Variants in SPATS2L observed in about 807,000 individuals in gnomAD.
The protein encoded by SPATS2L is spermatogenesis associated serine rich 2 like, also known as SPATS2-like protein.
A neutral mutation model predicts 59.6 loss-of-function variants in SPATS2L; 30 were observed. The ratio of observed to expected loss-of-function variants is 0.50; its 90% confidence interval spans 0.38 to 0.68. The LOEUF is 0.68. Ranked by LOEUF, SPATS2L falls within the 30% of genes least tolerant of loss-of-function variation. The pLI is 0.00. For missense variants in SPATS2L, 615 were observed against 700.0 expected (o/e 0.88, Z 1.37); for synonymous variants, 252 against 263.5 (o/e 0.96, Z 0.42).
At chr2:200,413,075 G>A (rs2082939065) in intron 4 of SPATS2L, among the ~76,000 whole-genome samples, 1 of 152,026 alleles carries the variant, frequency 6.6e-6, no homozygotes, top group Non-Finnish European at 1.5e-5. Flanking sequence ...ATAAATAAAT[G>A]TGTCCTTTAT....
intron 6 of SPATS2L, among the ~76,000 whole-genome samples, chr2:200,422,886 T>C (rs907746069): frequency 6.6e-6 from 1 of 151,712 alleles, no homozygotes; most frequent in Non-Finnish European, 1.5e-5. Context: ...TTTCTTGCTC[T>C]CTCTCTCTCA....
At chr2:200,476,984 C>T (rs190677293) in intron 12 of SPATS2L, among the ~76,000 whole-genome samples, 20 of 152,304 alleles carry the variant, frequency 1.3e-4, no homozygotes, top group African/African-American at 4.3e-4. Flanking sequence ...CAAGCAGTCC[C>T]GCTAAAGTCA....
intron 2 of SPATS2L, among the ~76,000 whole-genome samples, chr2:200,347,890 A>G (rs1025744093): frequency 2.6e-5 from 4 of 152,234 alleles, no homozygotes; most frequent in African/African-American, 9.6e-5. Flanking sequence ...ATTAGCTATC[A>G]AAATATATAT....
intron 9 of SPATS2L, among the ~76,000 whole-genome samples, chr2:200,460,203 T>G (rs1437121972): frequency 6.6e-6 from 1 of 152,216 alleles, no homozygotes; most frequent in Non-Finnish European, 1.5e-5. Context: ...TTTAACTCTT[T>G]AAAACTTACA....
At chr2:200,384,102 C>T (rs968599125) in intron 2 of SPATS2L, 10 of 621,690 alleles carry the variant, frequency 1.6e-5, no homozygotes, top group Non-Finnish European at 1.9e-5. Context: ...ACAGATAACT[C>T]ATACATATTA....
chr2:200,450,769 T>A (rs558455135), intron 8 of SPATS2L, among the ~76,000 whole-genome samples: 1 of 152,116 alleles, frequency 6.6e-6, no homozygotes, highest in African/African-American at 2.4e-5. Flanking sequence ...ATAAAGACAG[T>A]CTTCCTCCTA....
chr2:200,306,622 G>A (rs2079019363), upstream of SPATS2L: 10 of 993,998 alleles, frequency 1.0e-5, no homozygotes, highest in Non-Finnish European at 1.1e-5. Flanking sequence ...CCGAGGGGAA[G>A]GCGGGCGGGT....
At chr2:200,449,499 G>A (rs2085296819) in intron 8 of SPATS2L, among the ~76,000 whole-genome samples, 1 of 152,198 alleles carries the variant, frequency 6.6e-6, no homozygotes, top group South Asian at 2.1e-4. Context: ...TCTAATTTCA[G>A]CCTGAAATCG....
chr2:200,360,729 G>A (rs763617402), intron 2 of SPATS2L, among the ~76,000 whole-genome samples: 10 of 152,100 alleles, frequency 6.6e-5, no homozygotes, highest in African/African-American at 1.2e-4. Flanking sequence ...TCATCACCTC[G>A]TAATAAGCTC....
At chr2:200,402,714 A>G (rs1284109645) in intron 3 of SPATS2L, among the ~76,000 whole-genome samples, 1 of 152,260 alleles carries the variant, frequency 6.6e-6, no homozygotes, top group Non-Finnish European at 1.5e-5. Flanking sequence ...GAGTCTGTGC[A>G]TTGTGACTGA....
intron 2 of SPATS2L, among the ~76,000 whole-genome samples, chr2:200,352,525 T>C (rs550928817): frequency 2.6e-5 from 4 of 152,032 alleles, no homozygotes; most frequent in East Asian, 3.9e-4. Flanking sequence ...GCTTTTTTTT[T>C]CCTTTTTTAA....
intron 3 of SPATS2L, chr2:200,390,566 A>ACAGAGAGAAAAGCAAAG (rs2082139656): frequency 6.6e-6 from 1 of 152,536 alleles, no homozygotes. Flanking sequence ...AGAATTCCAG[A>ACAGAGAGAAAAGCAAAG]CAGAGAGAAA....
At chr2:200,435,303 G>A (rs985000301) in intron 6 of SPATS2L, among the ~76,000 whole-genome samples, 12 of 152,110 alleles carry the variant, frequency 7.9e-5, no homozygotes, top group African/African-American at 2.9e-4. Flanking sequence ...GAATGCTCAC[G>A]TAATAGTTAA....
chr2:200,335,678 A>G (rs1336423314), intron 2 of SPATS2L, among the ~76,000 whole-genome samples: 1 of 152,236 alleles, frequency 6.6e-6, no homozygotes, highest in African/African-American at 2.4e-5. Flanking sequence ...TTTAGAAGTG[A>G]ACGACTGTGT....
chr2:200,436,635 T>G (rs1461425993), intron 6 of SPATS2L, among the ~76,000 whole-genome samples: 1 of 152,242 alleles, frequency 6.6e-6, no homozygotes, highest in East Asian at 1.9e-4. Flanking sequence ...TTTGCATGCT[T>G]GGCTTCCATT....
intron 2 of SPATS2L, among the ~76,000 whole-genome samples, chr2:200,384,904 A>G (rs1259583030): frequency 6.6e-6 from 1 of 152,202 alleles, no homozygotes; most frequent in Non-Finnish European, 1.5e-5. Flanking sequence ...TGTTGCACCA[A>G]TATCAGGACT....
At chr2:200,382,895 T>G (rs369950554) in intron 2 of SPATS2L, among the ~76,000 whole-genome samples, 1 of 152,238 alleles carries the variant, frequency 6.6e-6, no homozygotes, top group Non-Finnish European at 1.5e-5. Context: ...ACGACGTAAT[T>G]TGTAGGAAAC....
At chr2:200,439,073 G>C in intron 6 of SPATS2L, 49 bp from the exon 7 acceptor site, 1 of 1,512,514 alleles carries the variant, frequency 6.6e-7, no homozygotes, top group Non-Finnish European at 9.2e-7. Context: ...TTTATCGTCA[G>C]TGTTTTTAGT....
At chr2:200,353,780 C>T (rs1014221059) in intron 2 of SPATS2L, among the ~76,000 whole-genome samples, 4 of 152,102 alleles carry the variant, frequency 2.6e-5, no homozygotes, top group South Asian at 4.1e-4. Flanking sequence ...AGTACTGTGC[C>T]GTGGTCTAAA....
Sources: gnomAD v4.1 joint callset for allele counts (sites outside exome capture counted in the v4.1 genomes callset) on GRCh38, gnomAD v4.1.1 for gene constraint, MANE v1.5 for transcripts, NCBI Gene and HGNC (gene_info 2026-07-23, HGNC 2026-07-21) for gene names.